Variants in ANO4 observed in about 807,000 individuals in gnomAD.
The protein encoded by ANO4 is anoctamin-4.
In ANO4, 69 loss-of-function variants were observed where a neutral mutation model predicts 141.9. That is an observed-to-expected ratio of 0.49 (90% CI 0.40 to 0.59). The LOEUF (loss-of-function observed/expected upper bound fraction) is 0.59, where lower values mean the gene tolerates loss of function less well. Among genes scored for constraint, ANO4 ranks in the 20% least tolerant of loss-of-function variants. The pLI is 0.00. For synonymous variants in ANO4, 350 were observed against 394.3 expected, an observed-to-expected ratio of 0.89 and a Z score of 1.33; for missense variants, 894 against 1,162.2, an observed-to-expected ratio of 0.77 and a Z score of 3.36.
rs2032004725 is a variant in ANO4 at position 100,744,284 on chromosome 12, A to T, written c.358+4179A>T. 2.0e-5 allele frequency among the ~76,000 whole-genome samples: 3 copies of T among 152,206 alleles called. No homozygotes were observed. In the South Asian group the frequency reaches 6.2e-4, roughly 32 times the overall value. On this transcript the variant is annotated intron_variant, in intron 3 of 29. Transcript: ENST00000644049. ...TTGTGTTAGTTGGACTGCCATAGCA[A>T]ATATACAACTGGGTGGCTTAAACAA...
intron 5 of ANO4, among the ~76,000 whole-genome samples, chr12:100,946,842 A>G (rs1348996836): frequency 1.3e-5 from 2 of 152,226 alleles, no homozygotes; most frequent in Admixed American, 1.3e-4. Context: ...GAGACTAAGA[A>G]GGAGTCACCA....
chr12:100,742,644 T>C (rs1261345686), intron 3 of ANO4, among the ~76,000 whole-genome samples: 4 of 152,200 alleles, frequency 2.6e-5, no homozygotes, highest in Non-Finnish European at 4.4e-5. Context: ...AATTTTCTTA[T>C]GTTTAAGAAT....
intron 3 of ANO4, among the ~76,000 whole-genome samples, chr12:100,743,081 G>A (rs1308257293): frequency 2.6e-5 from 4 of 152,240 alleles, no homozygotes; most frequent in Admixed American, 6.5e-5. Context: ...CCTTGGGAGA[G>A]AAAATTAAGT....
intron 1 of ANO4, among the ~76,000 whole-genome samples, chr12:100,861,051 G>T (rs10860649): frequency 6.6e-6 from 1 of 152,180 alleles, no homozygotes; most frequent in East Asian, 1.9e-4. Flanking sequence ...GAGAGTTGCC[G>T]CTGCTGGCTT....
chr12:101,124,278 G>A (rs761998520), intron 26 of ANO4, among the ~76,000 whole-genome samples: 3 of 152,172 alleles, frequency 2.0e-5, no homozygotes, highest in Non-Finnish European at 2.9e-5. Context: ...TTTGAAGAAT[G>A]TCTGTTTATG....
chr12:101,017,030 C>T (rs1231399368), intron 8 of ANO4, among the ~76,000 whole-genome samples: 1 of 152,168 alleles, frequency 6.6e-6, no homozygotes, highest in African/African-American at 2.4e-5. Context: ...CGCTCCTCCT[C>T]CTCCATCAGT....
intron 24 of ANO4, 38 bp from the exon 25 acceptor site, chr12:101,116,641 A>T (rs1400547118): frequency 6.2e-7 from 1 of 1,614,036 alleles, no homozygotes; most frequent in Admixed American, 1.7e-5. Flanking sequence ...AGAGAAGGTG[A>T]TGAGTGTTCT....
At chr12:100,982,777 C>T (rs2044534248) in intron 7 of ANO4, among the ~76,000 whole-genome samples, 1 of 152,136 alleles carries the variant, frequency 6.6e-6, no homozygotes, top group Non-Finnish European at 1.5e-5. Context: ...TCATTGTATA[C>T]TAAAGGTTAT....
intron 5 of ANO4, among the ~76,000 whole-genome samples, chr12:100,961,643 A>G (rs538569248): frequency 4.3e-4 from 65 of 152,386 alleles, no homozygotes; most frequent in Admixed American, 2.4e-3. Flanking sequence ...TGCTTATCCA[A>G]TAGATCTAAG....
At chr12:100,909,049 G>C (rs1234173965) in intron 2 of ANO4, among the ~76,000 whole-genome samples, 1 of 152,104 alleles carries the variant, frequency 6.6e-6, no homozygotes, top group African/African-American at 2.4e-5. Context: ...AATCAGTCAG[G>C]GTTCTTTGTT....
intron 7 of ANO4, among the ~76,000 whole-genome samples, chr12:100,976,649 G>A (rs1293906620): frequency 3.3e-5 from 5 of 152,192 alleles, no homozygotes; most frequent in Non-Finnish European, 5.9e-5. Flanking sequence ...CCCAGCTGCA[G>A]CTAATGCTGC....
chr12:100,791,836 A>G (rs1209019029), upstream of ANO4, among the ~76,000 whole-genome samples: 1 of 152,076 alleles, frequency 6.6e-6, no homozygotes, highest in Admixed American at 6.6e-5. Flanking sequence ...GGGTGCTGCA[A>G]AGGCCTGGAA....
intron 2 of ANO4, chr12:100,739,722 T>G (rs2135466616): frequency 1.6e-6 from 1 of 630,196 alleles, no homozygotes; most frequent in Non-Finnish European, 2.9e-6. Context: ...CCTGCCTGTT[T>G]ATTATGAACA....
intron 3 of ANO4, among the ~76,000 whole-genome samples, chr12:100,747,128 C>T (rs556121825): frequency 1.2e-4 from 19 of 152,208 alleles, no homozygotes; most frequent in South Asian, 2.1e-4. Context: ...TGTTTGCAGG[C>T]GAAATCACCC....
chr12:100,935,571 G>A (rs190997626), intron 3 of ANO4, among the ~76,000 whole-genome samples: 3 of 152,186 alleles, frequency 2.0e-5, no homozygotes, highest in Non-Finnish European at 4.4e-5. Flanking sequence ...GAAGGTGATG[G>A]GATTCATTCA....
At chr12:101,065,041 T>G (rs694817) in intron 14 of ANO4, among the ~76,000 whole-genome samples, 107,979 of 152,048 alleles carry the variant, frequency 0.71, 39,617 homozygotes, top group African/African-American at 0.89. Flanking sequence ...TGCAAGAGTA[T>G]TGATGCTGGC....
chr12:100,929,906 T>C (rs1355212083), intron 3 of ANO4, among the ~76,000 whole-genome samples: 1 of 152,166 alleles, frequency 6.6e-6, no homozygotes, highest in Non-Finnish European at 1.5e-5. Context: ...ATTGTAGTTT[T>C]TATTTGCATT....
chr12:101,008,003 A>G (rs2045940787), intron 8 of ANO4, among the ~76,000 whole-genome samples: 1 of 152,224 alleles, frequency 6.6e-6, no homozygotes, highest in South Asian at 2.1e-4. Flanking sequence ...AAGCTGGAAC[A>G]TCAGTATTTG....
chr12:100,767,151 T>G (rs1165003301), intron 3 of ANO4, among the ~76,000 whole-genome samples: 1 of 152,200 alleles, frequency 6.6e-6, no homozygotes, highest in African/African-American at 2.4e-5. Flanking sequence ...TTTAAATTTA[T>G]TCAGCCACTG....
Sources: gnomAD v4.1 joint callset for allele counts (sites outside exome capture counted in the v4.1 genomes callset) on GRCh38, gnomAD v4.1.1 for gene constraint, MANE v1.5 for transcripts, NCBI Gene and HGNC (gene_info 2026-07-23, HGNC 2026-07-21) for gene names.